SWAP70: variants seen among roughly 807,000 people sequenced by gnomAD.
SWAP70 encodes switching B cell complex subunit SWAP70.
A neutral mutation model predicts 80.2 loss-of-function variants in SWAP70; 34 were observed. The ratio of observed to expected loss-of-function variants is 0.42; its 90% CI spans 0.32 to 0.56. The LOEUF (loss-of-function observed/expected upper bound fraction) is 0.56. SWAP70 is among the 20% of genes least tolerant of loss of function. The pLI is 0.09. For missense variants in SWAP70, 578 were observed against 690.7 expected (o/e 0.84, Z 1.83); for synonymous variants, 239 against 238.5 (o/e 1.00, Z -0.02).
At chr11:9,692,948 A>G (rs1394146025) in intron 1 of SWAP70, among the ~76,000 whole-genome samples, 2 of 152,234 alleles carry the variant, frequency 1.3e-5, no homozygotes, top group African/African-American at 4.8e-5. Context: ...AGCATGTAGA[A>G]AAGGATCTCC....
intron 4 of SWAP70, among the ~76,000 whole-genome samples, chr11:9,727,326 G>A (rs1851238332): frequency 6.6e-6 from 1 of 152,102 alleles, no homozygotes; most frequent in Non-Finnish European, 1.5e-5. Context: ...AGGCAGAGAG[G>A]TTGCAGTGAG....
At chr11:9,676,242 T>C (rs1270922262) in intron 1 of SWAP70, among the ~76,000 whole-genome samples, 1 of 152,208 alleles carries the variant, frequency 6.6e-6, no homozygotes, top group Non-Finnish European at 1.5e-5. Flanking sequence ...GAAAACTGTA[T>C]TGAGAGAGAT....
chr11:9,672,195 C>CTATGTGTATA (rs530619499), intron 1 of SWAP70, among the ~76,000 whole-genome samples: 13 of 78,418 alleles, frequency 1.7e-4, no homozygotes, highest in South Asian at 8.4e-4. Context: ...ATGTGTGTGT[C>CTATGTGTATA]TATATATATA....
chr11:9,714,807 A>ATTTTTTTTTTT, intron 3 of SWAP70, among the ~76,000 whole-genome samples: 1 of 127,730 alleles, frequency 7.8e-6, no homozygotes, highest in Non-Finnish European at 1.6e-5. Context: ...CCAAAAGGGG[A>ATTTTTTTTTTT]TTTTTTTTTT....
chr11:9,668,888 A>G (rs2134413010), intron 1 of SWAP70, among the ~76,000 whole-genome samples: 1 of 152,336 alleles, frequency 6.6e-6, no homozygotes, highest in East Asian at 1.9e-4. Context: ...GGCAGAGAAA[A>G]AAGAAACAAA....
At chr11:9,693,846 C>T (rs752789945) in intron 1 of SWAP70, among the ~76,000 whole-genome samples, 1 of 151,062 alleles carries the variant, frequency 6.6e-6, no homozygotes, top group African/African-American at 2.4e-5. Flanking sequence ...ACTTTTCTTT[C>T]TGATGTGGAC....
intron 4 of SWAP70, chr11:9,726,886 TG>T (rs1393271982): frequency 2.2e-6 from 1 of 456,290 alleles, no homozygotes; most frequent in Non-Finnish European, 4.4e-6. Context: ...TTTGAACTCC[TG>T]GTGCAGTATT....
chr11:9,699,396 G>A (rs1371500180), intron 2 of SWAP70, among the ~76,000 whole-genome samples: 1 of 151,042 alleles, frequency 6.6e-6, no homozygotes, highest in African/African-American at 2.4e-5. Flanking sequence ...CTTTTTTTTT[G>A]TTGCTGTTCT....
chr11:9,703,680 G>A (rs570610764), intron 2 of SWAP70, among the ~76,000 whole-genome samples: 1 of 152,280 alleles, frequency 6.6e-6, no homozygotes, highest in Admixed American at 6.5e-5. Context: ...TCCAGACTCT[G>A]AGTTCTGTGA....
chr11:9,724,705 G>A lies in SWAP70; in HGVS notation c.462G>A (p.Trp154Ter). The part of the protein sequence containing the change: ...KKLTEAMGGG[W>*]QQEQFEHYKI... ...TTACAGAAGCTATGGGAGGAGGTTG[G>A]CAGCAAGAACAATTTGAACATTATA... is the stretch of plus-strand genomic sequence containing the variant. Residue 154 changes from tryptophan (W) to a stop codon, truncating the protein, a stop_gained, in exon 4 of 12, where the codon TGG (tryptophan) becomes TGA (stop). Coordinates refer to ENST00000318950, the MANE Select transcript of SWAP70 (RefSeq NM_015055.4). LOFTEE classifies it high-confidence loss of function. 1 of 1,614,032 alleles carries A rather than the reference G, an allele frequency of 6.2e-7. No homozygotes were observed. Among genetic ancestry groups the A allele is most frequent in the Non-Finnish European group, 8.5e-7 (1 of 1,179,978 alleles).
At chr11:9,701,658 C>G (rs1423558365) in intron 2 of SWAP70, among the ~76,000 whole-genome samples, 2 of 111,766 alleles carry the variant, frequency 1.8e-5, no homozygotes, top group Non-Finnish European at 3.9e-5. Flanking sequence ...GAATGGAATT[C>G]TTTAAACGTC....
chr11:9,672,180 CAT>C (rs1235444675), intron 1 of SWAP70, among the ~76,000 whole-genome samples: 156 of 50,544 alleles, frequency 3.1e-3, no homozygotes, highest in African/African-American at 9.9e-3. Flanking sequence ...TATATATATA[CAT>C]ATATGTGTGT....
chr11:9,709,368 AT>A (rs1850965453), intron 2 of SWAP70, among the ~76,000 whole-genome samples: 1 of 152,172 alleles, frequency 6.6e-6, no homozygotes, highest in African/African-American at 2.4e-5. Flanking sequence ...GTCTCAAGCA[AT>A]CCTTCCACCT....
chr11:9,736,905 TTCTG>T (rs57629668), intron 7 of SWAP70, among the ~76,000 whole-genome samples: 15,011 of 152,112 alleles, frequency 0.099, 1,860 homozygotes, highest in East Asian at 0.28. Flanking sequence ...CTTTCTCTGG[TTCTG>T]TCTGTCAGAC....
At chr11:9,687,170 A>C (rs1320807755) in intron 1 of SWAP70, among the ~76,000 whole-genome samples, 1 of 152,260 alleles carries the variant, frequency 6.6e-6, no homozygotes, top group Non-Finnish European at 1.5e-5. Context: ...GAACCCATTC[A>C]GAGGACAAGG....
At chr11:9,696,674 T>C (rs1393552941) in intron 2 of SWAP70, among the ~76,000 whole-genome samples, 3 of 152,190 alleles carry the variant, frequency 2.0e-5, no homozygotes, top group Non-Finnish European at 4.4e-5. Flanking sequence ...TTGAACAATA[T>C]ATTAGTGTCA....
chr11:9,704,965 G>A (rs1250125051), intron 2 of SWAP70, among the ~76,000 whole-genome samples: 3 of 152,138 alleles, frequency 2.0e-5, no homozygotes, highest in East Asian at 1.9e-4. Flanking sequence ...CATACAAACA[G>A]CAAAGATGAT....
intron 2 of SWAP70, among the ~76,000 whole-genome samples, chr11:9,700,740 C>A (rs12295129): frequency 0.1 from 15,675 of 152,132 alleles, 1,579 homozygotes; most frequent in African/African-American, 0.26. Flanking sequence ...TCCAATGTCT[C>A]ATATTTGGAT....
At position 9,675,418 on chromosome 11, in the gene SWAP70, A is replaced by G. The variant is rs1435136349; in HGVS notation, c.99+11140A>G. Reference sequence around the variant, plus strand: ...GAGAGAGAGAGAGAGAGAGAGAGAGAGAGGAGGGAGGAGGGAGGGACAGAG... The same window carrying G: ...GAGAGAGAGAGAGAGAGAGAGAGAGGGAGGAGGGAGGAGGGAGGGACAGAG... On this transcript the variant is annotated intron_variant, in intron 1 of 11. Transcript: ENST00000318950. Among the ~76,000 whole-genome samples, 116 of 133,056 alleles carry G rather than the reference A, an allele frequency of 8.7e-4. No homozygotes were observed. The South Asian group carries it at 9.1e-3, about 10-fold the overall frequency. 87.3% of individuals were successfully genotyped at this position (133,056 alleles called of 152,430 possible).
Sources: allele counts gnomAD v4.1 joint callset (sites outside exome capture counted in the v4.1 genomes callset), GRCh38; gene constraint gnomAD v4.1.1; transcripts MANE v1.5; gene names NCBI Gene and HGNC (gene_info 2026-07-23, HGNC 2026-07-21).